Variants in EFR3B observed in about 807,000 individuals in gnomAD.
EFR3B encodes EFR3 homolog B.
In EFR3B, 64 loss-of-function variants were observed where a neutral mutation model predicts 104.7. The ratio of observed to expected loss-of-function variants is 0.61; its 90% CI spans 0.50 to 0.75. EFR3B has a LOEUF of 0.75. EFR3B is among the 30% of genes least tolerant of loss of function. EFR3B has a pLI of 0.00. For synonymous variants in EFR3B, 385 were observed against 417.9 expected, an observed-to-expected ratio of 0.92 and a Z score of 0.96; for missense variants, 750 against 1,078.5, an observed-to-expected ratio of 0.70 and a Z score of 4.27.
intron 1 of EFR3B, among the ~76,000 whole-genome samples, chr2:25,044,913 T>C (rs1667675876): frequency 6.6e-6 from 1 of 152,160 alleles, no homozygotes; most frequent in Non-Finnish European, 1.5e-5. Context: ...CTATCTAGGA[T>C]AGAAGGAATC....
intron 1 of EFR3B, among the ~76,000 whole-genome samples, chr2:25,047,340 A>G (rs1182036245): frequency 1.3e-5 from 2 of 152,196 alleles, no homozygotes; most frequent in East Asian, 3.9e-4. Flanking sequence ...ACCCTCGGGT[A>G]ATCTTGAACC....
intron 5 of EFR3B, among the ~76,000 whole-genome samples, chr2:25,123,006 T>A (rs1670063750): frequency 6.6e-6 from 1 of 152,092 alleles, no homozygotes; most frequent in South Asian, 2.1e-4. Context: ...TACTCCAATT[T>A]ATAAAAACAC....
chr2:25,153,444 G>C (rs76530180), intron 21 of EFR3B, among the ~76,000 whole-genome samples: 1 of 152,130 alleles, frequency 6.6e-6, no homozygotes, highest in Admixed American at 6.5e-5. Flanking sequence ...TAAGGAAAAG[G>C]ACCTTCCAGA....
chr2:25,042,529 G>A lies in EFR3B; in HGVS notation c.7+210G>A. ...CCGGGGACCCTGGGGTCCTCTCCAG[G>A]CCCGGCGCGTGCCGGTGCTGGGCGG... On this transcript the variant is annotated intron_variant, in intron 1 of 22. Coordinates refer to ENST00000403714, the MANE Select transcript of EFR3B (RefSeq NM_014971.2). The surrounding 1 kb of genome is among the most constrained non-coding windows in gnomAD (Gnocchi z 5.4). 8 of 1,207,806 alleles carry A rather than the reference G, an allele frequency of 6.6e-6. No homozygotes were observed. Among genetic ancestry groups the A allele is most frequent in the Non-Finnish European group, 8.2e-6 (8 of 972,810 alleles). The allele number at this position is 1,207,806 out of a possible 1,614,324, so 74.8% of individuals were successfully genotyped here.
In EFR3B at chr2:25,042,336, G is replaced by T. The variant is rs1193747819; in HGVS notation, c.7+17G>T. On this transcript the variant is annotated intron_variant, in intron 1 of 22. Transcript: ENST00000403714. The surrounding 1 kb of genome is among the most constrained non-coding windows in gnomAD (Gnocchi z 5.4). ...AGATGTACGGTAAGGAGGGCTCCGC[G>T]CCCGGGCCCGGGCCCGCGGGGGCGA... The T allele has an allele frequency of 7.1e-6, 9 of 1,259,028 alleles. No individual in the cohort carries two copies. The South Asian group carries it at 2.5e-4, about 35-fold the overall frequency. 78.0% of individuals were successfully genotyped at this position (1,259,028 alleles called of 1,614,324 possible). A position where few individuals can be genotyped will look rare whatever the true frequency, so the allele number is the denominator to read the frequency against.
chr2:25,140,430 CA>C (rs1169985281), intron 16 of EFR3B, among the ~76,000 whole-genome samples: 1 of 152,128 alleles, frequency 6.6e-6, no homozygotes, highest in East Asian at 1.9e-4. Flanking sequence ...TGACAGAGAC[CA>C]CTCAAAGGGA....
chr2:25,135,802 G>A (rs558293183), intron 13 of EFR3B, among the ~76,000 whole-genome samples, 163 bp downstream of exon 13: 1 of 152,296 alleles, frequency 6.6e-6, no homozygotes, highest in African/African-American at 2.4e-5. Flanking sequence ...GACTCACCAG[G>A]AGTTGATCAC....
At chr2:25,052,624 C>T (rs1667906470) in intron 1 of EFR3B, among the ~76,000 whole-genome samples, 1 of 151,298 alleles carries the variant, frequency 6.6e-6, no homozygotes, top group Admixed American at 6.6e-5. Context: ...GCCTCAGCCT[C>T]CTGAGTAGCT....
intron 21 of EFR3B, 94 bp from the exon 22 acceptor site, chr2:25,153,618 T>G: frequency 7.8e-7 from 1 of 1,284,548 alleles, no homozygotes; most frequent in Non-Finnish European, 1.1e-6. Context: ...GGCTGCCCTG[T>G]ACCTCCAGCG....
At chr2:25,098,102 C>A (rs933384678) in intron 3 of EFR3B, among the ~76,000 whole-genome samples, 1 of 152,042 alleles carries the variant, frequency 6.6e-6, no homozygotes, top group Non-Finnish European at 1.5e-5. Flanking sequence ...TACCGCAGAC[C>A]CCTACTAGAT....
chr2:25,118,270 T>C (rs962711110), intron 4 of EFR3B, among the ~76,000 whole-genome samples: 8 of 152,236 alleles, frequency 5.3e-5, no homozygotes, highest in Admixed American at 5.2e-4. Context: ...CGTGAGTCAC[T>C]GCGCCTGGCT....
chr2:25,098,786 T>A (rs1669351216), intron 3 of EFR3B, among the ~76,000 whole-genome samples: 1 of 150,240 alleles, frequency 6.7e-6, no homozygotes, highest in Non-Finnish European at 1.5e-5. Flanking sequence ...TTTCACCTTC[T>A]ACCAAAATGG....
intron 4 of EFR3B, among the ~76,000 whole-genome samples, chr2:25,104,139 G>A (rs1266385094): frequency 6.6e-6 from 1 of 152,084 alleles, no homozygotes; most frequent in Non-Finnish European, 1.5e-5. Flanking sequence ...CTTGAGGTAA[G>A]GAGTTTGAGA....
chr2:25,088,798 C>T (rs538320254), intron 1 of EFR3B, among the ~76,000 whole-genome samples: 4 of 152,290 alleles, frequency 2.6e-5, no homozygotes, highest in Admixed American at 6.5e-5. Flanking sequence ...CTGTTGGCCA[C>T]GCTGCCTCCC....
At chr2:25,095,587 T>G (rs1231578736) in intron 3 of EFR3B, among the ~76,000 whole-genome samples, 1 of 152,000 alleles carries the variant, frequency 6.6e-6, no homozygotes, top group Non-Finnish European at 1.5e-5. Flanking sequence ...TCCCAGCTAC[T>G]CAGGAGGCTA....
Position 25,103,781 on chromosome 2 carries a change from C to G in EFR3B, c.357C>G (p.Thr119=). ...AACCCAACCTGCAGATCCTCGGCAC[C>G]AACTCGGTAAGGAGCGGCCCAGGGG... ...SEKPNLQILG[T]NSFVKFANIE... Residue 119 remains threonine (T), a synonymous_variant, in exon 4 of 23, where the codon ACC becomes ACG. Coordinates refer to ENST00000403714, the MANE Select transcript of EFR3B (RefSeq NM_014971.2). 1.9e-6 allele frequency: 3 copies of G among 1,551,356 alleles called. No individual in the cohort carries two copies. The highest frequency in any genetic ancestry group is 2.6e-6 in the Non-Finnish European group (3 of 1,146,798).
At chr2:25,104,181 C>G (rs964036179) in intron 4 of EFR3B, among the ~76,000 whole-genome samples, 1 of 151,728 alleles carries the variant, frequency 6.6e-6, no homozygotes, top group African/African-American at 2.4e-5. Flanking sequence ...AACCCCATCT[C>G]TACTAAAAAT....
chr2:25,078,084 G>C (rs1369763041), intron 1 of EFR3B, among the ~76,000 whole-genome samples: 3 of 152,152 alleles, frequency 2.0e-5, no homozygotes. Context: ...CCTTAAATGT[G>C]TGCAGGTTTT....
chr2:25,079,784 G>T, intron 1 of EFR3B: 2 of 639,254 alleles, frequency 3.1e-6, no homozygotes, highest in Non-Finnish European at 6.0e-6. Flanking sequence ...TTAAAAGTTT[G>T]TATACCTACA....
Sources: gnomAD v4.1 joint callset for allele counts (sites outside exome capture counted in the v4.1 genomes callset) on GRCh38, gnomAD v4.1.1 for gene constraint, Gnocchi (gnomAD v3.1) non-coding constraint, MANE v1.5 for transcripts, NCBI Gene and HGNC (gene_info 2026-07-23, HGNC 2026-07-21) for gene names.